The following CTNNA3 variants were observed in gnomAD, a reference collection of about 807,000 sequenced individuals.
CTNNA3 encodes catenin alpha-3.
In CTNNA3, 76 loss-of-function variants were observed where a neutral mutation model predicts 95.7. That is an observed-to-expected ratio of 0.79 (90% CI 0.66 to 0.96). The LOEUF (loss-of-function observed/expected upper bound fraction) is 0.96. Ranked by LOEUF, CTNNA3 falls within the 40% of genes least tolerant of loss-of-function variation. CTNNA3 has a pLI of 0.00. For missense variants in CTNNA3, 1,191 were observed against 1,089.8 expected, an observed-to-expected ratio of 1.09 and a Z score of -1.31; for synonymous variants, 431 against 374.4, an observed-to-expected ratio of 1.15 and a Z score of -1.74.
intron 6 of CTNNA3, among the ~76,000 whole-genome samples, chr10:67,190,416 C>T (rs1863067261): frequency 6.6e-6 from 1 of 151,828 alleles, no homozygotes; most frequent in African/African-American, 2.4e-5. Flanking sequence ...CATACCAATA[C>T]CATAGCAATT....
chr10:67,138,147 G>T (rs1474532846), intron 7 of CTNNA3, among the ~76,000 whole-genome samples: 1 of 151,944 alleles, frequency 6.6e-6, no homozygotes, highest in Non-Finnish European at 1.5e-5. Context: ...ATATATGTAT[G>T]GGTGTGAGTG....
chr10:67,672,061 G>A (rs1589555809), intron 1 of CTNNA3, among the ~76,000 whole-genome samples: 1 of 152,304 alleles, frequency 6.6e-6, no homozygotes, highest in East Asian at 1.9e-4. Context: ...TCTAACTGGT[G>A]TGAGATGGTA....
At chr10:67,131,489 C>T (rs1001243858) in intron 7 of CTNNA3, among the ~76,000 whole-genome samples, 4 of 151,978 alleles carry the variant, frequency 2.6e-5, no homozygotes, top group African/African-American at 9.7e-5. Flanking sequence ...TTATCAGGTA[C>T]TATGTGGCAG....
chr10:66,603,805 G>A (rs1844017748), intron 10 of CTNNA3, among the ~76,000 whole-genome samples: 1 of 152,084 alleles, frequency 6.6e-6, no homozygotes, highest in African/African-American at 2.4e-5. Context: ...TTTTTGACAA[G>A]AGTGCCAAAA....
intron 13 of CTNNA3, among the ~76,000 whole-genome samples, chr10:66,253,485 A>G (rs1422442861): frequency 6.6e-6 from 1 of 152,100 alleles, no homozygotes; most frequent in African/African-American, 2.4e-5. Flanking sequence ...TACACTATCC[A>G]ATTATAAACT....
chr10:66,802,724 A>T (rs912817097), intron 7 of CTNNA3, among the ~76,000 whole-genome samples: 1 of 151,928 alleles, frequency 6.6e-6, no homozygotes, highest in Admixed American at 6.6e-5. Flanking sequence ...ACCGAAAAAA[A>T]AAAACCCTCA....
chr10:67,216,281 A>G (rs1864355870), intron 6 of CTNNA3, among the ~76,000 whole-genome samples: 1 of 152,158 alleles, frequency 6.6e-6, no homozygotes. Context: ...AGAGAAGAGA[A>G]TATATATAAA....
chr10:65,915,560 A>T lies in CTNNA3; in HGVS notation c.*4770T>A, dbSNP rs562042025. On this transcript the variant is annotated 3_prime_UTR_variant, in exon 18 of 18. Coordinates refer to ENST00000433211, the MANE Select transcript of CTNNA3 (RefSeq NM_013266.4). ...ATATCAATCCATGTGTTTTGTTCCCACAAACCAGTGGGGACTGCTAGATGC... is the reference window on the plus strand; with the variant it reads ...ATATCAATCCATGTGTTTTGTTCCCTCAAACCAGTGGGGACTGCTAGATGC... 7.2e-5 allele frequency: 11 copies of T among 152,176 alleles called. No individual in the cohort carries two copies. Among genetic ancestry groups the T allele is most frequent in the African/African-American group, 2.6e-4 (11 of 41,520 alleles). 9.4% of individuals were successfully genotyped at this position (152,176 alleles called of 1,614,324 possible). A position where few individuals can be genotyped will look rare whatever the true frequency, so the allele number is the denominator to read the frequency against.
chr10:67,466,156 A>T (rs1043187995), intron 5 of CTNNA3, among the ~76,000 whole-genome samples: 12 of 152,326 alleles, frequency 7.9e-5, no homozygotes, highest in African/African-American at 2.9e-4. Context: ...TGCCAAAAAA[A>T]AATTTTCTCT....
At chr10:67,431,709 TCTC>T in intron 5 of CTNNA3, among the ~76,000 whole-genome samples, 1 of 151,876 alleles carries the variant, frequency 6.6e-6, no homozygotes, top group Middle Eastern at 3.2e-3. Context: ...GATGAACAAA[TCTC>T]CTCTTGTTTA....
intron 12 of CTNNA3, among the ~76,000 whole-genome samples, chr10:66,314,642 C>G (rs533074042): frequency 6.6e-6 from 1 of 152,082 alleles, no homozygotes; most frequent in African/African-American, 2.4e-5. Context: ...GCTTCAATAT[C>G]TTATAAAATT....
At chr10:66,738,170 CAGTT>C (rs1278095183) in intron 9 of CTNNA3, among the ~76,000 whole-genome samples, 1 of 152,090 alleles carries the variant, frequency 6.6e-6, no homozygotes, top group African/African-American at 2.4e-5. Context: ...TCTTTTTGGT[CAGTT>C]TGTTTTGGCT....
chr10:66,629,486 T>C (rs1357222971), intron 9 of CTNNA3, among the ~76,000 whole-genome samples: 1 of 152,198 alleles, frequency 6.6e-6, no homozygotes, highest in Non-Finnish European at 1.5e-5. Flanking sequence ...TTTGCTGTCC[T>C]CTACCCTAGT....
chr10:66,617,281 A>T (rs1158782223), intron 10 of CTNNA3, among the ~76,000 whole-genome samples: 1 of 151,946 alleles, frequency 6.6e-6, no homozygotes, highest in African/African-American at 2.4e-5. Flanking sequence ...AGAAGATGAT[A>T]TTTAAGCTGA....
At chr10:67,305,601 AT>A in intron 5 of CTNNA3, among the ~76,000 whole-genome samples, 1 of 152,010 alleles carries the variant, frequency 6.6e-6, no homozygotes, top group Non-Finnish European at 1.5e-5. Context: ...TTGTAAAAAA[AT>A]AAATAAATAA....
chr10:66,879,561 A>G (rs997172194), intron 7 of CTNNA3, among the ~76,000 whole-genome samples: 4 of 152,158 alleles, frequency 2.6e-5, no homozygotes, highest in Non-Finnish European at 5.9e-5. Context: ...GTACAAGAGT[A>G]TATATAGCAC....
chr10:66,245,634 C>G (rs2090286035), intron 13 of CTNNA3, among the ~76,000 whole-genome samples: 1 of 152,136 alleles, frequency 6.6e-6, no homozygotes, highest in South Asian at 2.1e-4. Context: ...CAGCTCCGAG[C>G]ACAGAAGAGA....
intron 13 of CTNNA3, among the ~76,000 whole-genome samples, chr10:66,241,052 C>G (rs1475177238): frequency 6.6e-6 from 1 of 151,934 alleles, no homozygotes; most frequent in Non-Finnish European, 1.5e-5. Flanking sequence ...ATGAGAAACT[C>G]AGGTAGAGAA....
At chr10:67,564,510 G>T (rs1841673398) in intron 3 of CTNNA3, among the ~76,000 whole-genome samples, 1 of 123,564 alleles carries the variant, frequency 8.1e-6, no homozygotes, top group Non-Finnish European at 1.7e-5. Flanking sequence ...GGGGGAGGGG[G>T]GATGGATAGC....
Sources: gnomAD v4.1 joint callset for allele counts (sites outside exome capture counted in the v4.1 genomes callset) on GRCh38, gnomAD v4.1.1 for gene constraint, MANE v1.5 for transcripts, NCBI Gene and HGNC (gene_info 2026-07-23, HGNC 2026-07-21) for gene names.